The following NCOA3 variants were observed in gnomAD, a reference collection of about 807,000 sequenced individuals.
NCOA3 encodes nuclear receptor coactivator 3.
Under a neutral mutation model 158.8 loss-of-function variants are expected in NCOA3, and 51 were observed. The ratio of observed to expected loss-of-function variants is 0.32; its 90% confidence interval spans 0.26 to 0.41. The LOEUF is 0.41. NCOA3 is among the 10% of genes least tolerant of loss of function. The pLI, the probability that NCOA3 is intolerant of heterozygous loss-of-function variation, is 1.00. For synonymous variants in NCOA3, 537 were observed against 592.4 expected (o/e 0.91, Z 1.36); for missense variants, 1,510 against 1,746.6 (o/e 0.86, Z 2.41).
intron 1 of NCOA3, among the ~76,000 whole-genome samples, chr20:47,537,294 C>T (rs1008995169): frequency 1.1e-4 from 16 of 152,020 alleles, no homozygotes; most frequent in African/African-American, 3.1e-4. Context: ...TTACTTGTAG[C>T]GTTGTAAAGA....
intron 1 of NCOA3, among the ~76,000 whole-genome samples, chr20:47,542,009 G>GTTTTTTTGC (rs71183262): frequency 5.3e-5 from 3 of 56,318 alleles, no homozygotes; most frequent in African/African-American, 2.2e-4. Flanking sequence ...GCCCTGTAGA[G>GTTTTTTTGC]TTTTTTTTTT....
intron 1 of NCOA3, among the ~76,000 whole-genome samples, chr20:47,551,039 C>T (rs958141934): frequency 2.0e-5 from 3 of 151,906 alleles, no homozygotes; most frequent in African/African-American, 7.3e-5. Context: ...TACATTCAAG[C>T]ATAAAATGGC....
chr20:47,622,200 T>G (rs1446609081), intron 2 of NCOA3, 29 bp from the exon 3 acceptor site: 3 of 1,227,492 alleles, frequency 2.4e-6, no homozygotes, highest in Non-Finnish European at 3.6e-6. Context: ...TTTAATGTAC[T>G]TATCTTATTT....
intron 17 of NCOA3, 130 bp downstream of exon 17, chr20:47,642,514 T>C (rs958549976): frequency 3.8e-6 from 2 of 524,860 alleles, no homozygotes; most frequent in East Asian, 6.8e-5. Context: ...ACTACATTCA[T>C]GGATACCAGC....
chr20:47,628,821 A>T (rs903172732), intron 8 of NCOA3: 7 of 152,208 alleles, frequency 4.6e-5, no homozygotes, highest in African/African-American at 1.7e-4. Context: ...TAATGAAATT[A>T]AACACTGTGG....
intron 2 of NCOA3, among the ~76,000 whole-genome samples, chr20:47,601,023 A>G (rs1440586836): frequency 6.6e-6 from 1 of 152,174 alleles, no homozygotes; most frequent in African/African-American, 2.4e-5. Context: ...GTTCTGTTCT[A>G]GTGTTCTGGT....
At chr20:47,567,047 T>C (rs2085208080) in intron 1 of NCOA3, among the ~76,000 whole-genome samples, 1 of 151,940 alleles carries the variant, frequency 6.6e-6, no homozygotes, top group East Asian at 1.9e-4. Flanking sequence ...TATGTATGTA[T>C]GTATGTATGT....
At chr20:47,510,709 G>T (rs867232586) in intron 1 of NCOA3, among the ~76,000 whole-genome samples, 19 of 151,676 alleles carry the variant, frequency 1.3e-4, no homozygotes, top group Admixed American at 3.9e-4. Context: ...TCCTCCCAGC[G>T]CAGCCTCCCA....
At chr20:47,605,533 CT>C (rs1259353025) in intron 2 of NCOA3, among the ~76,000 whole-genome samples, 1 of 151,872 alleles carries the variant, frequency 6.6e-6, no homozygotes, top group Non-Finnish European at 1.5e-5. Flanking sequence ...TTGATAATAC[CT>C]TTTTTCACCT....
At chr20:47,567,387 T>TTTTC (rs1458932681) in intron 1 of NCOA3, among the ~76,000 whole-genome samples, 1 of 151,674 alleles carries the variant, frequency 6.6e-6, no homozygotes, top group African/African-American at 2.4e-5. Flanking sequence ...ATTTGAGTAC[T>TTTTC]TTTCTTTCTT....
intron 1 of NCOA3, among the ~76,000 whole-genome samples, chr20:47,507,599 C>T (rs1180387188): frequency 1.4e-5 from 2 of 145,608 alleles, no homozygotes; most frequent in Non-Finnish European, 3.0e-5. Context: ...CCTTAGAGCA[C>T]CCAACAACTT....
intron 1 of NCOA3, among the ~76,000 whole-genome samples, chr20:47,534,805 G>C (rs1453198973): frequency 1.3e-5 from 2 of 152,048 alleles, no homozygotes; most frequent in Non-Finnish European, 2.9e-5. Flanking sequence ...AGTCCCAGCT[G>C]TTGGGTGGCT....
At chr20:47,611,969 T>A (rs1283455162) in intron 2 of NCOA3, among the ~76,000 whole-genome samples, 1 of 151,984 alleles carries the variant, frequency 6.6e-6, no homozygotes. Context: ...CGACTACAGG[T>A]GTGCGTCACC....
intron 2 of NCOA3, among the ~76,000 whole-genome samples, chr20:47,591,032 C>T (rs1315160471): frequency 1.3e-5 from 2 of 151,604 alleles, no homozygotes; most frequent in Non-Finnish European, 2.9e-5. Context: ...TCACTTGAAC[C>T]CCAGGGGGCA....
chr20:47,623,776 GAA>G (rs1831701904), intron 3 of NCOA3, 133 bp from the exon 4 acceptor site: 1 of 813,240 alleles, frequency 1.2e-6, no homozygotes, highest in African/African-American at 1.8e-5. Context: ...CAACAAGAGC[GAA>G]AACTCTGTCT....
At chr20:47,535,617 C>T (rs1262347827) in intron 1 of NCOA3, among the ~76,000 whole-genome samples, 1 of 151,956 alleles carries the variant, frequency 6.6e-6, no homozygotes, top group Non-Finnish European at 1.5e-5. Context: ...AAGTGACTCT[C>T]CTGCCTCAGC....
chr20:47,623,240 A>G (rs2086270065), intron 3 of NCOA3, among the ~76,000 whole-genome samples: 1 of 152,250 alleles, frequency 6.6e-6, no homozygotes, highest in Non-Finnish European at 1.5e-5. Flanking sequence ...TCTACAATGA[A>G]TAAAACTTCA....
intron 2 of NCOA3, among the ~76,000 whole-genome samples, chr20:47,588,753 G>A (rs888456779): frequency 3.3e-5 from 5 of 151,792 alleles, no homozygotes; most frequent in Non-Finnish European, 5.9e-5. Context: ...AAAAGATAGC[G>A]TACTATATAT....
rs1445229333 is a variant in NCOA3, at chr20:47,654,429, AC to A, written c.*1014del. ...ATTGTATTATGTAAAATATGTATATACCTTTTTTTGTAGGTCACAACAACTC... is the reference window on the plus strand; with the variant it reads ...ATTGTATTATGTAAAATATGTATATACTTTTTTTGTAGGTCACAACAACTC... On this transcript the variant is annotated 3_prime_UTR_variant, in exon 23 of 23. Coordinates refer to ENST00000371998, the MANE Select transcript of NCOA3 (RefSeq NM_181659.3). The A allele has an allele frequency of 6.6e-6, 1 of 152,598 alleles. No homozygotes were observed. Among genetic ancestry groups the A allele is most frequent in the Non-Finnish European group, 1.5e-5 (1 of 68,042 alleles). 9.5% of individuals were successfully genotyped at this position (152,598 alleles called of 1,614,324 possible).
Sources: allele counts gnomAD v4.1 joint callset (sites outside exome capture counted in the v4.1 genomes callset), GRCh38; gene constraint gnomAD v4.1.1; transcripts MANE v1.5; gene names NCBI Gene and HGNC (gene_info 2026-07-23, HGNC 2026-07-21).